Variants in WDR62 observed in about 807,000 individuals in gnomAD.
The protein encoded by WDR62 is WD repeat-containing protein 62.
A neutral mutation model predicts 160.6 loss-of-function variants in WDR62; 112 were observed. The ratio of observed to expected loss-of-function variants is 0.70; its 90% CI spans 0.60 to 0.82. The LOEUF is 0.82. WDR62 is among the 40% of genes least tolerant of loss of function. The pLI, the probability that WDR62 is intolerant of heterozygous loss-of-function variation, is 0.00. For synonymous variants in WDR62, 792 were observed against 815.1 expected (o/e 0.97, Z 0.48); for missense variants, 1,819 against 1,983.8 (o/e 0.92, Z 1.58).
At chr19:36,084,518 TG>T in intron 11 of WDR62, 134 bp from the exon 12 acceptor site, 1 of 790,564 alleles carries the variant, frequency 1.3e-6, no homozygotes, top group Non-Finnish European at 2.2e-6. Flanking sequence ...GAAAAGTGGT[TG>T]TGCATGTCTA....
chr19:36,069,360 G>A (rs1030798999), intron 7 of WDR62, among the ~76,000 whole-genome samples: 6 of 152,076 alleles, frequency 3.9e-5, no homozygotes, highest in East Asian at 3.9e-4. Flanking sequence ...ACAGGGTCGC[G>A]GCCGGGTAGA....
chr19:36,096,344 C>T (rs894899481), intron 20 of WDR62, among the ~76,000 whole-genome samples: 1 of 152,130 alleles, frequency 6.6e-6, no homozygotes, highest in African/African-American at 2.4e-5. Context: ...CCTGAAGTAT[C>T]CTCCCACCTC....
At chr19:36,082,089 C>T (rs1265953633) in intron 10 of WDR62, among the ~76,000 whole-genome samples, 1 of 152,230 alleles carries the variant, frequency 6.6e-6, no homozygotes, top group African/African-American at 2.4e-5. Flanking sequence ...TTCATTTATT[C>T]TGCAGACACT....
chr19:36,085,810 C>T (rs1379382358), intron 12 of WDR62, among the ~76,000 whole-genome samples: 2 of 152,096 alleles, frequency 1.3e-5, no homozygotes, highest in Non-Finnish European at 2.9e-5. Flanking sequence ...CTTGCTCTGT[C>T]ACCCAGATGA....
chr19:36,092,048 C>T (rs974495577), intron 18 of WDR62, among the ~76,000 whole-genome samples: 38 of 152,092 alleles, frequency 2.5e-4, no homozygotes, highest in African/African-American at 9.2e-4. Context: ...CAGTGGCTCA[C>T]GCCTGTGATC....
intron 3 of WDR62, among the ~76,000 whole-genome samples, chr19:36,063,085 C>T (rs1481116679): frequency 2.0e-5 from 3 of 152,090 alleles, no homozygotes. Flanking sequence ...GCTAGGATTA[C>T]AGGCATATGC....
intron 9 of WDR62, among the ~76,000 whole-genome samples, chr19:36,077,941 G>A (rs1971670939): frequency 1.3e-5 from 2 of 152,088 alleles, no homozygotes; most frequent in African/African-American, 4.8e-5. Context: ...GGGCTTTTGT[G>A]CCTGGCTTTC....
intron 1 of WDR62, among the ~76,000 whole-genome samples, chr19:36,057,071 T>C (rs1970410320): frequency 6.6e-6 from 1 of 152,154 alleles, no homozygotes; most frequent in East Asian, 1.9e-4. Flanking sequence ...TGCCTCGGCC[T>C]CCCAAAGTGC....
At chr19:36,086,642 A>G (rs984421956) in intron 12 of WDR62, 45 bp from the exon 13 acceptor site, 1 of 1,571,380 alleles carries the variant, frequency 6.4e-7, no homozygotes, top group African/African-American at 1.4e-5. Context: ...AGGCCAGGGC[A>G]CCCACGCAGC....
intron 9 of WDR62, chr19:36,074,023 G>T (rs1166448173): frequency 1.2e-5 from 4 of 325,904 alleles, no homozygotes; most frequent in Non-Finnish European, 2.4e-5. Context: ...TGAAGACGGG[G>T]CATGGTGGCT....
rs558331862 is a variant in WDR62, at chr19:36,067,925, C to T, written c.797C>T (p.Ala266Val). Residue 266 changes from alanine (A) to valine (V), a missense_variant, in exon 7 of 32, where the codon GCG (alanine) becomes GTG (valine). Physicochemically the swap from Ala to Val is moderately conservative, Grantham distance 64 (BLOSUM62 0). Coordinates refer to ENST00000401500, the MANE Select transcript of WDR62 (RefSeq NM_001083961.2). The part of the protein sequence containing the change: ...CGVACGRGRM[A>V]GSTFCVSYSG... ...GTGGCCTGCGGTCGGGGCCGGATGGCGGGCAGTACCTTCTGTGTGTCCTAC... is the reference window on the plus strand; with the variant it reads ...GTGGCCTGCGGTCGGGGCCGGATGGTGGGCAGTACCTTCTGTGTGTCCTAC... 9.3e-6 allele frequency: 15 copies of T among 1,614,050 alleles called. No homozygotes were observed. The highest frequency in any genetic ancestry group is 1.6e-4 in the Middle Eastern group (1 of 6,084).
At chr19:36,108,125 G>A (rs2145896245), downstream of WDR62, among the ~76,000 whole-genome samples, 1 of 152,154 alleles carries the variant, frequency 6.6e-6, no homozygotes, top group South Asian at 2.1e-4. Context: ...TGCTGAGGGA[G>A]CTGCAGCCCT....
chr19:36,103,667 G>A lies in WDR62; in HGVS notation c.3839G>A (p.Gly1280Asp). 1 of 1,610,202 alleles carries A rather than the reference G, an allele frequency of 6.2e-7. No homozygotes were observed. Among genetic ancestry groups the A allele is most frequent in the Non-Finnish European group, 8.5e-7 (1 of 1,179,996 alleles). The part of the protein sequence containing the change: ...TATTPSLDSE[G>D]QEPALRSWGN... ...ACAACACCCAGTTTGGACAGTGAGG[G>A]CCAAGAGCCTGCCCTGCGTTCCTGG... is the stretch of plus-strand genomic sequence containing the variant. The change falls in exon 30 of 32, where the codon GGC becomes GAC. Residue 1280 changes from glycine to aspartate, a missense_variant. Gly to Asp is a moderately conservative substitution (Grantham distance 94). Transcript: ENST00000401500.
At chr19:36,067,523 G>C in intron 6 of WDR62, 80 bp downstream of exon 6, 1 of 1,595,616 alleles carries the variant, frequency 6.3e-7, no homozygotes, top group Non-Finnish European at 8.6e-7. Flanking sequence ...GTTTCTCCCT[G>C]AGATTTGAGG....
intron 9 of WDR62, among the ~76,000 whole-genome samples, chr19:36,077,963 T>C (rs1217816205): frequency 6.6e-6 from 1 of 152,190 alleles, no homozygotes; most frequent in Non-Finnish European, 1.5e-5. Flanking sequence ...CTTAGCATAA[T>C]GTTTTCAAGA....
intron 9 of WDR62, among the ~76,000 whole-genome samples, chr19:36,080,695 TC>T (rs1269164587): frequency 1.3e-5 from 2 of 152,074 alleles, no homozygotes; most frequent in Non-Finnish European, 2.9e-5. Flanking sequence ...CCTCAGGTGA[TC>T]CGCCCACCTC....
At chr19:36,055,243 G>T (rs1970295056) in intron 1 of WDR62, 95 bp downstream of exon 1, 1 of 1,406,690 alleles carries the variant, frequency 7.1e-7, no homozygotes. Context: ...TCAGCCCCCG[G>T]CCAGTCCCCT....
intron 3 of WDR62, among the ~76,000 whole-genome samples, chr19:36,063,390 A>G (rs955294474): frequency 1.1e-4 from 16 of 151,858 alleles, no homozygotes; most frequent in Admixed American, 1.0e-3. Context: ...CTGGGACTAC[A>G]GGCATGCGCC....
chr19:36,067,192 C>T (rs1311477195), intron 5 of WDR62, 114 bp from the exon 6 acceptor site: 81 of 1,450,724 alleles, frequency 5.6e-5, no homozygotes, highest in Non-Finnish European at 7.6e-5. Context: ...TGGAGGGTCC[C>T]AGGAAGACAG....
Sources: allele counts gnomAD v4.1 joint callset (sites outside exome capture counted in the v4.1 genomes callset), GRCh38; gene constraint gnomAD v4.1.1; transcripts MANE v1.5; gene names NCBI Gene and HGNC (gene_info 2026-07-23, HGNC 2026-07-21).